Variants in IL1RAPL1 observed in about 807,000 individuals in gnomAD.
IL1RAPL1 encodes interleukin-1 receptor accessory protein-like 1.
Under a neutral mutation model 48.4 loss-of-function variants are expected in IL1RAPL1, and 3 were observed. The observed-to-expected ratio is 0.06, with a 90% CI of 0.03 to 0.16. The LOEUF is 0.16. Ranked by LOEUF, IL1RAPL1 falls within the 10% of genes least tolerant of loss-of-function variation. The pLI is 1.00. For synonymous variants in IL1RAPL1, 185 were observed against 187.7 expected, an observed-to-expected ratio of 0.99 and a Z score of 0.12; for missense variants, 349 against 530.6, an observed-to-expected ratio of 0.66 and a Z score of 3.36.
At chrX:28,967,292 A>G (rs1357140093) in intron 2 of IL1RAPL1, among the ~76,000 whole-genome samples, 8 of 111,363 alleles carry the variant, frequency 7.2e-5, no homozygotes, top group Non-Finnish European at 1.5e-4. Flanking sequence ...TTTATATACT[A>G]TTGGCCACAA....
chrX:29,368,593 T>C (rs1437930681), intron 3 of IL1RAPL1, among the ~76,000 whole-genome samples: 2 of 100,347 alleles, frequency 2.0e-5, no homozygotes, highest in South Asian at 9.0e-4. Flanking sequence ...TTTCTTTCTT[T>C]TTTTTTTTTT....
intron 5 of IL1RAPL1, among the ~76,000 whole-genome samples, chrX:29,558,086 T>C (rs898412899): frequency 1.6e-4 from 18 of 111,619 alleles, no homozygotes; most frequent in African/African-American, 5.9e-4. Flanking sequence ...GATAATTCTA[T>C]TTTTTCATTT....
At chrX:28,981,603 C>A (rs1265801965) in intron 2 of IL1RAPL1, among the ~76,000 whole-genome samples, 2 of 112,015 alleles carry the variant, frequency 1.8e-5, no homozygotes, top group Admixed American at 9.5e-5. Context: ...CACTTCTTAG[C>A]AAGATATCTG....
intron 2 of IL1RAPL1, among the ~76,000 whole-genome samples, chrX:28,896,504 C>T (rs1341247970): frequency 9.0e-6 from 1 of 111,105 alleles, no homozygotes; most frequent in African/African-American, 3.3e-5. Flanking sequence ...TTGACTATGC[C>T]TTTAGCTTCA....
intron 2 of IL1RAPL1, among the ~76,000 whole-genome samples, chrX:28,813,208 G>T (rs1356682362): frequency 9.0e-6 from 1 of 111,331 alleles, no homozygotes; most frequent in African/African-American, 3.3e-5. Context: ...CCCTCTAGGT[G>T]CTGCTTTCAC....
intron 5 of IL1RAPL1, among the ~76,000 whole-genome samples, chrX:29,524,779 C>G (rs1269363575): frequency 8.9e-6 from 1 of 112,337 alleles, no homozygotes; most frequent in African/African-American, 3.2e-5. Context: ...TGTGAAGAAG[C>G]AGTTTAACAC....
At chrX:29,563,384 G>C (rs750888240) in intron 5 of IL1RAPL1, among the ~76,000 whole-genome samples, 79 of 111,477 alleles carry the variant, frequency 7.1e-4, no homozygotes, top group African/African-American at 2.6e-3. Context: ...GTTAATAAAG[G>C]GTTCCTTAGA....
chrX:29,123,880 C>T (rs1311706917), intron 2 of IL1RAPL1, among the ~76,000 whole-genome samples: 1 of 111,386 alleles, frequency 9.0e-6, no homozygotes, highest in Non-Finnish European at 1.9e-5. Context: ...ATATTGATTA[C>T]ATGTTGAAAT....
intron 1 of IL1RAPL1, among the ~76,000 whole-genome samples, chrX:28,704,700 T>C (rs1412612850): frequency 1.9e-5 from 2 of 106,089 alleles, no homozygotes; most frequent in African/African-American, 3.5e-5. Flanking sequence ...GAGATCATAT[T>C]TGAGCCCAGA....
chrX:28,909,030 A>T (rs1209557652), intron 2 of IL1RAPL1, among the ~76,000 whole-genome samples: 2 of 110,830 alleles, frequency 1.8e-5, no homozygotes, highest in African/African-American at 6.5e-5. Context: ...AAATAATGTT[A>T]GCATGCGATA....
chrX:29,466,597 GA>G (rs201521066), intron 5 of IL1RAPL1, among the ~76,000 whole-genome samples: 13,353 of 108,906 alleles, frequency 0.12, 1,468 homozygotes, highest in African/African-American at 0.35. Flanking sequence ...TTATAGAAGA[GA>G]AAAAAAAACA....
intron 3 of IL1RAPL1, among the ~76,000 whole-genome samples, chrX:29,394,399 A>G (rs1286338226): frequency 8.9e-6 from 1 of 111,923 alleles, no homozygotes; most frequent in African/African-American, 3.2e-5. Flanking sequence ...GCTTCTGTGC[A>G]TTTGTCCAGT....
chrX:28,830,729 A>AT (rs1196456563), intron 2 of IL1RAPL1, among the ~76,000 whole-genome samples: 1 of 109,914 alleles, frequency 9.1e-6, no homozygotes, highest in Non-Finnish European at 1.9e-5. Context: ...TGTGTCTCAA[A>AT]TTTTTTTTGT....
chrX:29,319,364 ATT>A (rs762918998), intron 3 of IL1RAPL1, among the ~76,000 whole-genome samples: 3 of 58,145 alleles, frequency 5.2e-5, no homozygotes, highest in African/African-American at 1.5e-4. Context: ...GATAAATTTA[ATT>A]TTTTTTTTTT....
chrX:28,598,955 G>T (rs1177442202), intron 1 of IL1RAPL1, among the ~76,000 whole-genome samples: 1 of 107,964 alleles, frequency 9.3e-6, no homozygotes, highest in East Asian at 3.1e-4. Flanking sequence ...AAAAACATTT[G>T]AGGGCCAGGC....
chrX:29,391,772 T>C (rs1245196427), intron 3 of IL1RAPL1, among the ~76,000 whole-genome samples: 1 of 111,802 alleles, frequency 8.9e-6, no homozygotes. Context: ...GTATATAGCG[T>C]CTATGTGTGC....
intron 2 of IL1RAPL1, among the ~76,000 whole-genome samples, chrX:29,172,031 C>T (rs1929918798): frequency 8.9e-6 from 1 of 112,185 alleles, no homozygotes; most frequent in Non-Finnish European, 1.9e-5. Context: ...TCTTTAATAA[C>T]CCAAGGTATT....
intron 3 of IL1RAPL1, among the ~76,000 whole-genome samples, chrX:29,379,608 A>C (rs889063689): frequency 1.8e-5 from 2 of 111,823 alleles, no homozygotes; most frequent in African/African-American, 6.5e-5. Context: ...GAGAGTGGGC[A>C]GTCCCACAGC....
chrX:28,847,471 C>T (rs780471732), intron 2 of IL1RAPL1, among the ~76,000 whole-genome samples: 3 of 111,450 alleles, frequency 2.7e-5, no homozygotes, highest in African/African-American at 9.8e-5. Context: ...GGTCTTTTAT[C>T]TCTCTCAGAA....
Sources: gnomAD v4.1 joint callset for allele counts (sites outside exome capture counted in the v4.1 genomes callset) on GRCh38, gnomAD v4.1.1 for gene constraint, MANE v1.5 for transcripts, NCBI Gene and HGNC (gene_info 2026-07-23, HGNC 2026-07-21) for gene names.